TMEM117: variants seen among roughly 807,000 people sequenced by gnomAD.
The protein encoded by TMEM117 is transmembrane protein 117.
Under a neutral mutation model 52.4 loss-of-function variants are expected in TMEM117, and 27 were observed. That is an observed-to-expected ratio of 0.51 (90% CI 0.38 to 0.71). The LOEUF (loss-of-function observed/expected upper bound fraction) is 0.71, where lower values mean the gene tolerates loss of function less well. Ranked by LOEUF, TMEM117 falls within the 30% of genes least tolerant of loss-of-function variation. TMEM117 has a pLI of 0.00. For missense variants in TMEM117, 556 were observed against 630.5 expected (o/e 0.88, Z 1.26); for synonymous variants, 215 against 206.3 (o/e 1.04, Z -0.36).
rs967677657 is a variant in TMEM117, at chr12:43,904,271, G to C, written c.278-39939G>C. Among the ~76,000 whole-genome samples the C allele has an allele frequency of 2.0e-5, 3 of 152,086 alleles. No individual in the cohort carries two copies. In the Middle Eastern group the frequency reaches 0.01, roughly 517 times the overall value. ...ATGCCTGTAATCCCAGAACTTTGTA[G>C]GCTGATGGGGGAGGATAGCTTGAGC... On this transcript the variant is annotated intron_variant, in intron 2 of 7. Transcript: ENST00000266534.
intron 4 of TMEM117, among the ~76,000 whole-genome samples, chr12:44,200,140 AC>A (rs1949475274): frequency 6.6e-6 from 1 of 152,046 alleles, no homozygotes; most frequent in African/African-American, 2.4e-5. Flanking sequence ...AAACAAACAA[AC>A]AAACAAAAAA....
At chr12:43,802,144 C>T in the TMEM117 span, 5 of 498,042 alleles carry the variant, frequency 1.0e-5, no homozygotes, top group Middle Eastern at 5.3e-4. Context: ...CCTGATTCTC[C>T]GTTATCAATC....
At chr12:44,366,574 C>T (rs1173498480) in intron 6 of TMEM117, among the ~76,000 whole-genome samples, 2 of 152,066 alleles carry the variant, frequency 1.3e-5, no homozygotes, top group Non-Finnish European at 2.9e-5. Context: ...TTCTCTAGAG[C>T]TCAGAGGATG....
intron 3 of TMEM117, among the ~76,000 whole-genome samples, chr12:44,017,245 G>GTGTGTGTGTGTGTGTGTGTA (rs1165143584): frequency 6.6e-6 from 1 of 151,264 alleles, no homozygotes; most frequent in African/African-American, 2.4e-5. Flanking sequence ...GTGTGTGTGT[G>GTGTGTGTGTGTGTGTGTGTA]TGTGTGTTTT....
At chr12:44,255,398 C>T (rs1430572802) in intron 5 of TMEM117, among the ~76,000 whole-genome samples, 1 of 152,026 alleles carries the variant, frequency 6.6e-6, no homozygotes, top group Non-Finnish European at 1.5e-5. Context: ...TCATCACTGG[C>T]CATCAGAGAA....
the TMEM117 span, among the ~76,000 whole-genome samples, chr12:44,396,858 A>G: frequency 6.6e-6 from 1 of 151,640 alleles, no homozygotes; most frequent in Non-Finnish European, 1.5e-5. Flanking sequence ...CAAAAAAAAA[A>G]AAAAAAGAAA....
chr12:44,206,393 G>T (rs1200570552), intron 4 of TMEM117, among the ~76,000 whole-genome samples: 7 of 152,200 alleles, frequency 4.6e-5, no homozygotes, highest in Non-Finnish European at 8.8e-5. Flanking sequence ...TCACAGTGCT[G>T]CAGAGATCTT....
intron 3 of TMEM117, among the ~76,000 whole-genome samples, chr12:43,957,723 T>C (rs1383136124): frequency 6.6e-6 from 1 of 152,236 alleles, no homozygotes; most frequent in Non-Finnish European, 1.5e-5. Flanking sequence ...CAAACACTTT[T>C]TGAAGTTGTC....
At chr12:44,077,577 T>C (rs1448361175) in intron 3 of TMEM117, among the ~76,000 whole-genome samples, 2 of 152,218 alleles carry the variant, frequency 1.3e-5, no homozygotes, top group Non-Finnish European at 2.9e-5. Flanking sequence ...TGCACCTTTC[T>C]GTTGATTGGA....
chr12:43,803,578 C>T, the TMEM117 span, among the ~76,000 whole-genome samples: 787 of 152,056 alleles, frequency 5.2e-3, 11 homozygotes, highest in African/African-American at 0.018. Context: ...ATTTTCCTTC[C>T]GTAGAGATGC....
At chr12:44,015,160 C>T (rs1239115930) in intron 3 of TMEM117, among the ~76,000 whole-genome samples, 1 of 151,796 alleles carries the variant, frequency 6.6e-6, no homozygotes, top group Non-Finnish European at 1.5e-5. Flanking sequence ...AAGATCTGTC[C>T]AAGAACAGTG....
rs1345862644 is a variant in TMEM117 at position 44,388,206 on chromosome 12, A to G, written c.1079A>G (p.Glu360Gly). The change falls in exon 8 of 8, where the codon GAA becomes GGA. Residue 360 changes from glutamate (E) to glycine (G), a missense_variant. Around this residue, in one of 3 missense-constraint regions of TMEM117, gnomAD observed 206 missense variants for 211.1 expected, o/e 0.98. Transcript: ENST00000266534. ...TTGAACAGAACCAAGCTATCCTGGGAATGGAGGTCCAATCACACTAACCCT... is the reference window on the plus strand; with the variant it reads ...TTGAACAGAACCAAGCTATCCTGGGGATGGAGGTCCAATCACACTAACCCT... Reference protein sequence around the residue: ...KDLNRTKLSWEWRSNHTNPRT... With the variant: ...KDLNRTKLSWGWRSNHTNPRT... The G allele has an allele frequency of 1.9e-6, 3 of 1,613,486 alleles. No individual in the cohort carries two copies. Among genetic ancestry groups the G allele is most frequent in the Non-Finnish European group, 2.5e-6 (3 of 1,179,640 alleles).
At chr12:44,326,470 T>C (rs1444613287) in intron 6 of TMEM117, among the ~76,000 whole-genome samples, 1 of 152,150 alleles carries the variant, frequency 6.6e-6, no homozygotes, top group African/African-American at 2.4e-5. Flanking sequence ...AGAGGACTGA[T>C]GGAGGAAAGG....
intron 2 of TMEM117, among the ~76,000 whole-genome samples, chr12:43,905,225 T>C (rs892826231): frequency 4.6e-5 from 7 of 152,196 alleles, no homozygotes; most frequent in African/African-American, 1.7e-4. Context: ...TCCCCTTAAG[T>C]TATGCAGAGA....
upstream of TMEM117, chr12:43,836,001 C>G (rs1455242499): frequency 1.6e-4 from 24 of 151,236 alleles, no homozygotes; most frequent in Non-Finnish European, 3.4e-4. Context: ...GGTGAAGCAC[C>G]GGCGCGGAGG....
intron 2 of TMEM117, among the ~76,000 whole-genome samples, chr12:43,926,808 A>G (rs11182336): frequency 0.012 from 1,769 of 152,040 alleles, 40 homozygotes; most frequent in East Asian, 0.069. Flanking sequence ...TAATACTTTT[A>G]TTACCTTATC....
At chr12:43,798,552 T>C in the TMEM117 span, 8 of 1,522,948 alleles carry the variant, frequency 5.3e-6, no homozygotes, top group East Asian at 2.5e-5. Context: ...ATAGAACATA[T>C]GCGAATGCAT....
At chr12:44,013,106 G>A (rs1008136209) in intron 3 of TMEM117, among the ~76,000 whole-genome samples, 10 of 151,022 alleles carry the variant, frequency 6.6e-5, no homozygotes, top group African/African-American at 2.0e-4. Context: ...GCTTGCTGCC[G>A]CTGCCTTAAC....
intron 7 of TMEM117, among the ~76,000 whole-genome samples, chr12:44,384,933 C>G (rs59593996): frequency 0.042 from 6,459 of 152,168 alleles, 458 homozygotes; most frequent in African/African-American, 0.15. Flanking sequence ...GGTAGTTACA[C>G]TGGTATTATT....
Sources: gnomAD v4.1 joint callset for allele counts (sites outside exome capture counted in the v4.1 genomes callset) on GRCh38, gnomAD v4.1.1 for gene constraint, gnomAD v4.1.1 regional missense constraint, MANE v1.5 for transcripts, NCBI Gene and HGNC (gene_info 2026-07-23, HGNC 2026-07-21) for gene names.